Variants in SULT2B1 observed in about 807,000 individuals in gnomAD.
SULT2B1 encodes the protein sulfotransferase family 2B member 1.
A neutral mutation model predicts 33.2 loss-of-function variants in SULT2B1; 16 were observed. The observed-to-expected ratio is 0.48, with a 90% CI of 0.33 to 0.73. SULT2B1 has a LOEUF of 0.73. SULT2B1 is among the 30% of genes least tolerant of loss of function. The pLI, the probability that SULT2B1 is intolerant of heterozygous loss-of-function variation, is 0.02. For missense variants in SULT2B1, 500 were observed against 506.0 expected, an observed-to-expected ratio of 0.99 and a Z score of 0.11; for synonymous variants, 186 against 200.5, an observed-to-expected ratio of 0.93 and a Z score of 0.61.
chr19:48,564,369 C>A (rs537501086), intron 1 of SULT2B1, among the ~76,000 whole-genome samples: 4 of 150,480 alleles, frequency 2.7e-5, no homozygotes, highest in African/African-American at 9.8e-5. Context: ...CTGGCTAACA[C>A]GGTGAAACCC....
intron 5 of SULT2B1, chr19:48,596,507 C>A (rs1281147946): frequency 2.0e-6 from 1 of 508,046 alleles, no homozygotes; most frequent in Non-Finnish European, 3.5e-6. Flanking sequence ...TGACCTCTGC[C>A]CCAAGCCCAC....
Position 48,571,649 on chromosome 19 carries a change from C to CA in SULT2B1, c.72-4291dup, listed in dbSNP as rs1243468644. Among the ~76,000 whole-genome samples, 539 of 150,426 alleles carry CA rather than the reference C, an allele frequency of 3.6e-3. 4 individuals carry two copies. Among genetic ancestry groups the CA allele is most frequent in the African/African-American group, 0.012 (511 of 40,896 alleles). On this transcript the variant is annotated intron_variant, in intron 1 of 6. Transcript: ENST00000201586. ...ACAGAACAATAACAAAAGAAAAAAA[C>CA]ACCAGATTTTTTTAAATTCCCAGGC...
intron 1 of SULT2B1, among the ~76,000 whole-genome samples, chr19:48,559,042 A>G (rs967837748): frequency 3.3e-5 from 5 of 151,952 alleles, no homozygotes; most frequent in African/African-American, 4.8e-5. Context: ...TTAAGAAATA[A>G]TAAGGCATTG....
Position 48,589,082 on chromosome 19 carries a change from G to A in SULT2B1, c.423+1645G>A, listed in dbSNP as rs563936498. ...ACCGGCGCCCTCTGGCGGTCAGATGGGGACCGACTGTCGAGAGAGCAGAAG... is the reference window on the plus strand; with the variant it reads ...ACCGGCGCCCTCTGGCGGTCAGATGAGGACCGACTGTCGAGAGAGCAGAAG... On this transcript the variant is annotated intron_variant, in intron 3 of 6. Coordinates refer to ENST00000201586, the MANE Select transcript of SULT2B1 (RefSeq NM_177973.2). Among the ~76,000 whole-genome samples, 204 of 152,346 alleles carry A rather than the reference G, an allele frequency of 1.3e-3. 1 individual carries two copies. The Middle Eastern group carries it at 0.024, about 18-fold the overall frequency.
At chr19:48,587,085 G>C (rs10425172) in intron 2 of SULT2B1, 144 bp from the exon 3 acceptor site, 90,068 of 610,816 alleles carry the variant, frequency 0.15, 8,072 homozygotes, top group African/African-American at 0.3. Flanking sequence ...GCACTCCAGC[G>C]TGGGCAACAG....
rs1431660750 is a variant in SULT2B1 at position 48,599,290 on chromosome 19, G to GAGCCCA, written c.989_994dup (p.Lys330_Pro331dup). 6.2e-7 allele frequency: 1 copy of GAGCCCA among 1,610,496 alleles called. No homozygotes were observed. Among genetic ancestry groups the GAGCCCA allele is most frequent in the Non-Finnish European group, 8.5e-7 (1 of 1,178,634 alleles). ...AGATCCTGAGCCCAGCCCTGAGCCT[G>GAGCCCA]AGCCCAAGCCCAGCCTTGAGCCCAA... is the stretch of plus-strand genomic sequence containing the variant. On this transcript the variant is annotated inframe_insertion, in exon 7 of 7. Transcript: ENST00000201586. The surrounding 1 kb of genome is among the most constrained non-coding windows in gnomAD (Gnocchi z 4.1).
At chr19:48,581,747 G>T (rs568835224) in intron 2 of SULT2B1, among the ~76,000 whole-genome samples, 1 of 151,750 alleles carries the variant, frequency 6.6e-6, no homozygotes, top group East Asian at 1.9e-4. Context: ...GTGAGCCACC[G>T]TGCCCGGCCG....
At position 48,599,390 on chromosome 19, in the gene SULT2B1, A is replaced by G. The variant is rs1333009509; in HGVS notation, c.1082A>G (p.His361Arg). 6.4e-7 allele frequency: 1 copy of G among 1,554,612 alleles called. No homozygotes were observed. The highest frequency in any genetic ancestry group is 8.7e-7 in the Non-Finnish European group (1 of 1,149,292). Residue 361 changes from histidine (H) to arginine (R), a missense_variant, in exon 7 of 7, where the codon CAC (histidine) becomes CGC (arginine). Transcript: ENST00000201586. This position sits in a 1 kb window ranked among gnomAD's most constrained non-coding sequence, Gnocchi z 4.1. Reference protein sequence around the residue: ...PSPGQASETPHPRPS With the variant: ...PSPGQASETPRPRPS Reference sequence around the variant, plus strand: ...CCCGGCCAGGCCTCTGAGACCCCGCACCCACGACCCTCATAATAAACACGT... The same window carrying G: ...CCCGGCCAGGCCTCTGAGACCCCGCGCCCACGACCCTCATAATAAACACGT...
rs200715997 is a variant in SULT2B1 at position 48,568,145 on chromosome 19, CA to C, written c.72-7795del. On this transcript the variant is annotated intron_variant, in intron 1 of 6. Transcript: ENST00000201586. Reference sequence around the variant, plus strand: ...AGAATTAGCTGAGTGTGGTGGCACACACCTGTAGTCCCAGCTACTGGGGAAA... The same window carrying C: ...AGAATTAGCTGAGTGTGGTGGCACACCCTGTAGTCCCAGCTACTGGGGAAA... 7.9e-4 allele frequency among the ~76,000 whole-genome samples: 120 copies of C among 151,668 alleles called. 1 individual carries two copies. In the East Asian group the frequency reaches 0.022, roughly 28 times the overall value.
At chr19:48,589,513 A>G (rs1280117902) in intron 3 of SULT2B1, among the ~76,000 whole-genome samples, 1 of 152,154 alleles carries the variant, frequency 6.6e-6, no homozygotes, top group Non-Finnish European at 1.5e-5. Context: ...TGATATCGCC[A>G]AGGAATTGAG....
intron 1 of SULT2B1, among the ~76,000 whole-genome samples, chr19:48,570,096 G>T (rs1260795692): frequency 2.0e-5 from 3 of 152,072 alleles, no homozygotes; most frequent in Non-Finnish European, 2.9e-5. Context: ...ATTACACAGA[G>T]TTTACCTTCC....
intron 1 of SULT2B1, among the ~76,000 whole-genome samples, chr19:48,553,766 T>C (rs1407995501): frequency 6.6e-6 from 1 of 152,172 alleles, no homozygotes; most frequent in Non-Finnish European, 1.5e-5. Context: ...CTGATGTCTC[T>C]GGGCCTCCTG....
At chr19:48,588,367 C>T (rs1049761040) in intron 3 of SULT2B1, among the ~76,000 whole-genome samples, 10 of 151,094 alleles carry the variant, frequency 6.6e-5, no homozygotes, top group Admixed American at 5.9e-4. Context: ...ACAAAGTTAG[C>T]TGGGCGTGGT....
chr19:48,564,343 A>C (rs904060940), intron 1 of SULT2B1, among the ~76,000 whole-genome samples: 1 of 151,476 alleles, frequency 6.6e-6, no homozygotes, highest in Non-Finnish European at 1.5e-5. Flanking sequence ...CACGAGGTCC[A>C]AAGATCGAGA....
intron 1 of SULT2B1, among the ~76,000 whole-genome samples, chr19:48,564,584 A>T (rs1001002420): frequency 2.2e-4 from 33 of 151,396 alleles, no homozygotes; most frequent in Non-Finnish European, 4.3e-4. Flanking sequence ...AAGAAAGAAA[A>T]AAAGAGGAAC....
chr19:48,574,003 C>T (rs908269474), intron 1 of SULT2B1, among the ~76,000 whole-genome samples: 16 of 152,046 alleles, frequency 1.1e-4, no homozygotes, highest in African/African-American at 3.6e-4. Flanking sequence ...TGGGACTACA[C>T]GTGTATGCTA....
chr19:48,566,552 G>A (rs536002816), intron 1 of SULT2B1, among the ~76,000 whole-genome samples: 6 of 152,222 alleles, frequency 3.9e-5, no homozygotes, highest in South Asian at 4.1e-4. Flanking sequence ...ACAAAAATTC[G>A]AGGGATGTGC....
intron 2 of SULT2B1, among the ~76,000 whole-genome samples, chr19:48,576,640 C>CT (rs71335805): frequency 0.019 from 2,249 of 116,386 alleles, 90 homozygotes; most frequent in African/African-American, 0.066. Flanking sequence ...AAATTGTATA[C>CT]TTTTTTTTTT....
At position 48,558,679 on chromosome 19, in the gene SULT2B1, C is replaced by CTTTTT. The variant is rs869189397; in HGVS notation, c.71+6374_71+6378dup. Among the ~76,000 whole-genome samples, 779 of 106,008 alleles carry CTTTTT rather than the reference C, an allele frequency of 7.3e-3. 5 individuals are homozygous for CTTTTT. The highest frequency in any genetic ancestry group is 9.8e-3 in the African/African-American group (235 of 24,034). The allele number at this position is 106,008 out of a possible 152,430, so 69.5% of individuals were successfully genotyped here. A position where few individuals can be genotyped will look rare whatever the true frequency, so the allele number is the denominator to read the frequency against. On this transcript the variant is annotated intron_variant, in intron 1 of 6. Transcript: ENST00000201586. ...TGCTTTTTCTTTTTTCTTTTCTTTTCTTTTTTTTTTTTTTTTTTTTTTGAG... is the reference window on the plus strand; with the variant it reads ...TGCTTTTTCTTTTTTCTTTTCTTTTCTTTTTTTTTTTTTTTTTTTTTTTTTTTGAG...
Sources: gnomAD v4.1 joint callset for allele counts (sites outside exome capture counted in the v4.1 genomes callset) on GRCh38, gnomAD v4.1.1 for gene constraint, Gnocchi (gnomAD v3.1) non-coding constraint, MANE v1.5 for transcripts, NCBI Gene and HGNC (gene_info 2026-07-23, HGNC 2026-07-21) for gene names.